The following NFKBIE variants were observed in gnomAD, a reference collection of about 807,000 sequenced individuals.
NFKBIE encodes NFKB inhibitor epsilon, also known as NF-kappa-B inhibitor epsilon.
Under a neutral mutation model 31.6 loss-of-function variants are expected in NFKBIE, and 11 were observed. The ratio of observed to expected loss-of-function variants is 0.35; its 90% CI spans 0.22 to 0.58. The LOEUF is 0.58. NFKBIE is among the 20% of genes least tolerant of loss of function. The probability of loss-of-function intolerance (pLI) is 0.83; values close to 1 mark genes in which losing one functional copy is unlikely to be tolerated. For synonymous variants in NFKBIE, 208 were observed against 210.1 expected (o/e 0.99, Z 0.09); for missense variants, 354 against 465.7 (o/e 0.76, Z 2.21).
In NFKBIE at chr6:44,260,265, C is replaced by T. The variant is rs1214109887; in HGVS notation, c.798G>A (p.Lys266=). Residue 266 remains lysine, a synonymous_variant, in exon 5 of 6, where the codon AAG becomes AAA. Coordinates refer to ENST00000619360, the MANE Select transcript of NFKBIE (RefSeq NM_004556.3). This position sits in a 1 kb window ranked among gnomAD's most constrained non-coding sequence, Gnocchi z 5.5. ...DIDVQEGTSG[K]TALHLAVETQ... is the part of the protein sequence containing the mutation. ...TTTCCACAGCCAGGTGCAGCGCTGT[C>T]TTACCACTGGTGCCCTCCTGGGGAG... The T allele has an allele frequency of 6.2e-7, 1 of 1,610,766 alleles. No individual in the cohort carries two copies. The highest frequency in any genetic ancestry group is 1.3e-5 in the African/African-American group (1 of 75,006).
intron 2 of NFKBIE, among the ~76,000 whole-genome samples, chr6:44,262,077 C>T (rs1277540963): frequency 6.6e-6 from 1 of 152,168 alleles, no homozygotes; most frequent in East Asian, 1.9e-4. Flanking sequence ...AAGTAGCTCT[C>T]TGCTTTTCTT....
At chr6:44,262,420 T>G (rs991625532) in intron 2 of NFKBIE, 140 bp downstream of exon 2, 2 of 681,404 alleles carry the variant, frequency 2.9e-6, no homozygotes, top group Non-Finnish European at 5.1e-6. Flanking sequence ...CATGTCTTAC[T>G]TGGGTCTGTC....
rs962367968 is a variant in NFKBIE at position 44,263,590 on chromosome 6, T to C, written c.366-928A>G. Among the ~76,000 whole-genome samples the C allele has an allele frequency of 6.6e-6, 1 of 152,050 alleles. No homozygotes were observed. The highest frequency in any genetic ancestry group is 1.5e-5 in the Non-Finnish European group (1 of 67,978). On this transcript the variant is annotated intron_variant, in intron 1 of 5. Coordinates refer to ENST00000619360, the MANE Select transcript of NFKBIE (RefSeq NM_004556.3). The surrounding 1 kb of genome is among the most constrained non-coding windows in gnomAD (Gnocchi z 5.0). ...TGACGGAGGGAGGGAGGAACTGCTC[T>C]GGAAATCCCCTAGGCCAGGGCCTGC...
chr6:44,265,213 G>C lies in NFKBIE; in HGVS notation c.134C>G (p.Pro45Arg). The change falls in exon 1 of 6, where the codon CCC (proline) becomes CGC (arginine). Residue 45 changes from proline to arginine, a missense_variant. Around this residue, in one of 2 missense-constraint regions of NFKBIE, gnomAD observed 171 missense variants for 155.1 expected, o/e 1.10. Transcript: ENST00000619360. ...APASGPSDGS[P>R]QPCTHPPGPV... ...TCCCGGAGGATGGGTGCAGGGCTGG[G>C]GGCTGCCGTCCGAGGGCCCGGAGGC... 1 of 1,552,064 alleles carries C rather than the reference G, an allele frequency of 6.4e-7. No individual in the cohort carries two copies. The highest frequency in any genetic ancestry group is 8.7e-7 in the Non-Finnish European group (1 of 1,147,232).
intron 2 of NFKBIE, among the ~76,000 whole-genome samples, chr6:44,262,314 G>T (rs1781950930): frequency 6.6e-6 from 1 of 152,168 alleles, no homozygotes; most frequent in African/African-American, 2.4e-5. Context: ...ATAGCAGCTG[G>T]TATGTGTCTC....
chr6:44,259,544 G>C (rs1404351455), intron 5 of NFKBIE, among the ~76,000 whole-genome samples: 1 of 141,694 alleles, frequency 7.1e-6, no homozygotes, highest in Admixed American at 6.9e-5. Context: ...AGGTGATCCA[G>C]CCCATGGACC....
chr6:44,259,682 C>G (rs192077387), intron 5 of NFKBIE, among the ~76,000 whole-genome samples: 1 of 152,248 alleles, frequency 6.6e-6, no homozygotes, highest in African/African-American at 2.4e-5. Context: ...TGAGTTTCAC[C>G]TCTCAAGAAA....
chr6:44,258,326 G>C lies in NFKBIE; in HGVS notation c.*893C>G, dbSNP rs1583006579. The C allele has an allele frequency of 6.6e-6, 1 of 152,304 alleles. No individual in the cohort carries two copies. Among genetic ancestry groups the C allele is most frequent in the South Asian group, 2.1e-4 (1 of 4,834 alleles). 9.4% of individuals were successfully genotyped at this position (152,304 alleles called of 1,614,324 possible). A position where few individuals can be genotyped will look rare whatever the true frequency, so the allele number is the denominator to read the frequency against. Reference sequence around the variant, plus strand: ...AGCAGGGCCCTCGAAGGTGAGGAACGGGGGGAAAAACGTGGAGTCAGCTCC... The same window carrying C: ...AGCAGGGCCCTCGAAGGTGAGGAACCGGGGGAAAAACGTGGAGTCAGCTCC... On this transcript the variant is annotated 3_prime_UTR_variant, in exon 6 of 6. Coordinates refer to ENST00000619360, the MANE Select transcript of NFKBIE (RefSeq NM_004556.3).
rs1223947607 is a variant in NFKBIE, at chr6:44,260,338, G to A, written c.781-56C>T. On this transcript the variant is annotated intron_variant, in intron 4 of 5. Coordinates refer to ENST00000619360, the MANE Select transcript of NFKBIE (RefSeq NM_004556.3). The surrounding 1 kb of genome is among the most constrained non-coding windows in gnomAD (Gnocchi z 5.5). ...CCTCAGAGGCAGTGTGCTGGGCCTGGGCTCTGGATAAGGAAGTGAATGCCA... is the reference window on the plus strand; with the variant it reads ...CCTCAGAGGCAGTGTGCTGGGCCTGAGCTCTGGATAAGGAAGTGAATGCCA... 1 of 1,608,474 alleles carries A rather than the reference G, an allele frequency of 6.2e-7. No individual in the cohort carries two copies. The highest frequency in any genetic ancestry group is 8.5e-7 in the Non-Finnish European group (1 of 1,175,700).
Position 44,265,221 on chromosome 6 carries a change from G to A in NFKBIE, c.126C>T (p.Asp42=), listed in dbSNP as rs753881028. ...STSAPASGPS[D]GSPQPCTHPP... ...GATGGGTGCAGGGCTGGGGGCTGCC[G>A]TCCGAGGGCCCGGAGGCTGGAGCCG... The change falls in exon 1 of 6, where the codon GAC becomes GAT. Residue 42 remains aspartate (D), a synonymous_variant. Coordinates refer to ENST00000619360, the MANE Select transcript of NFKBIE (RefSeq NM_004556.3). 49 of 1,552,058 alleles carry A rather than the reference G, an allele frequency of 3.2e-5. No homozygotes were observed. The highest frequency in any genetic ancestry group is 4.1e-5 in the Non-Finnish European group (47 of 1,147,330).
In NFKBIE at chr6:44,259,043, T is replaced by C; in HGVS notation, c.*176A>G. 3.5e-6 allele frequency: 2 copies of C among 566,268 alleles called. No homozygotes were observed. Among genetic ancestry groups the C allele is most frequent in the Non-Finnish European group, 6.3e-6 (2 of 317,138 alleles). The allele number at this position is 566,268 out of a possible 1,614,324, so 35.1% of individuals were successfully genotyped here. On this transcript the variant is annotated 3_prime_UTR_variant, in exon 6 of 6. Transcript: ENST00000619360. Reference sequence around the variant, plus strand: ...GCTCTTCCTTCCAGACTGGCTCTCTTCCACTTGCAGTCCCTCCTCCTCGGC... The same window carrying C: ...GCTCTTCCTTCCAGACTGGCTCTCTCCCACTTGCAGTCCCTCCTCCTCGGC...
rs1438908574 is a variant in NFKBIE at position 44,263,391 on chromosome 6, C to T, written c.366-729G>A. Among the ~76,000 whole-genome samples the T allele has an allele frequency of 2.6e-5, 4 of 151,610 alleles. No individual in the cohort carries two copies. Among genetic ancestry groups the T allele is most frequent in the Non-Finnish European group, 5.9e-5 (4 of 67,960 alleles). ...AAGTTCCAGTCTTGGGGTTTCCCCA[C>T]GTCAGGTGGGGAAAACGAAAGCCAG... On this transcript the variant is annotated intron_variant, in intron 1 of 5. Transcript: ENST00000619360. This position sits in a 1 kb window ranked among gnomAD's most constrained non-coding sequence, Gnocchi z 5.0.
rs2233436 is a variant in NFKBIE at position 44,262,503 on chromosome 6, G to A, written c.468+57C>T. ...AGCCTTTGGACTGGTATGGCTGCTG[G>A]GAATGGCTGCCAGGGCACAAACAGG... On this transcript the variant is annotated intron_variant, in intron 2 of 5. Transcript: ENST00000619360. 2,916 of 1,467,998 alleles carry A rather than the reference G, an allele frequency of 2.0e-3. 53 individuals are homozygous for A. In the African/African-American group the frequency reaches 0.034, roughly 17 times the overall value. The allele number at this position is 1,467,998 out of a possible 1,614,324, so 90.9% of individuals were successfully genotyped here. A position where few individuals can be genotyped will look rare whatever the true frequency, so the allele number is the denominator to read the frequency against.
In NFKBIE at chr6:44,260,334, C is replaced by G. The variant is rs1294890116; in HGVS notation, c.781-52G>C. 6.2e-7 allele frequency: 1 copy of G among 1,608,096 alleles called. No homozygotes were observed. The highest frequency in any genetic ancestry group is 2.2e-5 in the East Asian group (1 of 44,702). Reference sequence around the variant, plus strand: ...AGGCCCTCAGAGGCAGTGTGCTGGGCCTGGGCTCTGGATAAGGAAGTGAAT... The same window carrying G: ...AGGCCCTCAGAGGCAGTGTGCTGGGGCTGGGCTCTGGATAAGGAAGTGAAT... On this transcript the variant is annotated intron_variant, in intron 4 of 5. Coordinates refer to ENST00000619360, the MANE Select transcript of NFKBIE (RefSeq NM_004556.3). The surrounding 1 kb of genome is among the most constrained non-coding windows in gnomAD (Gnocchi z 5.5).
Position 44,259,291 on chromosome 6 carries a change from A to C in NFKBIE, c.1021-7T>G. ...AGGGCAAAAGGACAAGGGACTGAGA[A>C]GGAGAATGGAGAGAAGCAAGATCAG... is the stretch of plus-strand genomic sequence containing the variant. On this transcript the variant is annotated splice_polypyrimidine_tract_variant and splice_region_variant and intron_variant, in intron 5 of 5. Coordinates refer to ENST00000619360, the MANE Select transcript of NFKBIE (RefSeq NM_004556.3). The C allele has an allele frequency of 1.9e-6, 3 of 1,606,404 alleles. No individual in the cohort carries two copies. Among genetic ancestry groups the C allele is most frequent in the Non-Finnish European group, 2.6e-6 (3 of 1,173,342 alleles).
intron 5 of NFKBIE, among the ~76,000 whole-genome samples, chr6:44,259,832 T>G (rs1017385278): frequency 1.3e-5 from 2 of 152,118 alleles, no homozygotes; most frequent in African/African-American, 2.4e-5. Context: ...CCAACTTCAC[T>G]GATTCACTTT....
chr6:44,264,624 G>T (rs1782046861), intron 1 of NFKBIE, among the ~76,000 whole-genome samples: 1 of 152,222 alleles, frequency 6.6e-6, no homozygotes, highest in African/African-American at 2.4e-5. Flanking sequence ...CTGAGGTCAG[G>T]AACTGGGAAT....
chr6:44,262,706 G>C (rs367893538), intron 1 of NFKBIE, 44 bp from the exon 2 acceptor site: 26 of 1,499,742 alleles, frequency 1.7e-5, no homozygotes, highest in East Asian at 1.6e-4. Flanking sequence ...GCCCAGGCCA[G>C]AGGGAGTGGG....
Position 44,261,724 on chromosome 6 carries a change from C to T in NFKBIE, c.593G>A (p.Arg198His), listed in dbSNP as rs570959822. The T allele has an allele frequency of 1.3e-5, 21 of 1,614,062 alleles. No individual in the cohort carries two copies. The highest frequency in any genetic ancestry group is 2.2e-5 in the East Asian group (1 of 44,890). Residue 198 changes from arginine (R) to histidine (H), a missense_variant, in exon 3 of 6, where the codon CGC (arginine) becomes CAC (histidine). Around this residue, in one of 2 missense-constraint regions of NFKBIE, gnomAD observed 183 missense variants for 310.6 expected, o/e 0.59. Transcript: ENST00000619360. This position sits in a 1 kb window ranked among gnomAD's most constrained non-coding sequence, Gnocchi z 4.3. ...GCAGCGGGCACAGGCCAAGTGCTGG[C>T]GCTGGCAGGCCACATGAAGGGCTGT... ...GDTALHVACQ[R>H]QHLACARCLL...
Sources: allele counts gnomAD v4.1 joint callset (sites outside exome capture counted in the v4.1 genomes callset), GRCh38; gene constraint gnomAD v4.1.1; regional missense constraint gnomAD v4.1.1; non-coding constraint Gnocchi (gnomAD v3.1); transcripts MANE v1.5; gene names NCBI Gene and HGNC (gene_info 2026-07-23, HGNC 2026-07-21).